Variants in CRKL observed in about 807,000 individuals in gnomAD.
CRKL encodes the protein crk-like protein.
Under a neutral mutation model 23.0 loss-of-function variants are expected in CRKL, and 3 were observed. The observed-to-expected ratio is 0.13, with a 90% CI of 0.06 to 0.34. The LOEUF is 0.34. Among genes scored for constraint, CRKL ranks in the 10% least tolerant of loss-of-function variants. The pLI, the probability that CRKL is intolerant of heterozygous loss-of-function variation, is 1.00. For synonymous variants in CRKL, 188 were observed against 160.7 expected (o/e 1.17, Z -1.28); for missense variants, 256 against 394.5 (o/e 0.65, Z 2.97).
At chr22:20,949,036 A>G (rs911168345) in intron 2 of CRKL, among the ~76,000 whole-genome samples, 1 of 152,048 alleles carries the variant, frequency 6.6e-6, no homozygotes, top group Non-Finnish European at 1.5e-5. Context: ...GTTCATTTCT[A>G]TCCTGTTGGG....
Position 20,950,328 on chromosome 22 carries a change from C to CTT in CRKL, c.*492_*493dup, listed in dbSNP as rs60913011. The CTT allele has an allele frequency of 9.3e-3, 1,926 of 207,942 alleles. 1 individual carries two copies. Among genetic ancestry groups the CTT allele is most frequent in the East Asian group, 0.016 (199 of 12,582 alleles). The allele number at this position is 207,942 out of a possible 1,614,324, so 12.9% of individuals were successfully genotyped here. A position where few individuals can be genotyped will look rare whatever the true frequency, so the allele number is the denominator to read the frequency against. ...TCTGTTCTAAAACTCCAAAATCTGG[C>CTT]TTTTTTTTTTCTTTTGTTTTGGTTT... On this transcript the variant is annotated 3_prime_UTR_variant, in exon 3 of 3. Transcript: ENST00000354336.
intron 2 of CRKL, among the ~76,000 whole-genome samples, chr22:20,942,514 G>A (rs1321638658): frequency 1.3e-5 from 2 of 152,206 alleles, no homozygotes; most frequent in African/African-American, 4.8e-5. Flanking sequence ...TGGCTATGGT[G>A]AATAATGCTG....
intron 2 of CRKL, 122 bp from the exon 3 acceptor site, chr22:20,949,589 G>A (rs1459924886): frequency 7.6e-7 from 1 of 1,324,058 alleles, no homozygotes; most frequent in East Asian, 2.4e-5. Context: ...CTAACAGAGT[G>A]AGACCCTGTG....
intron 1 of CRKL, among the ~76,000 whole-genome samples, chr22:20,920,830 C>A (rs754754976): frequency 1.3e-5 from 2 of 152,138 alleles, no homozygotes; most frequent in Non-Finnish European, 2.9e-5. Context: ...GTTCCAGTCC[C>A]CTCACAGATT....
At chr22:20,928,738 T>C (rs1921322203) in intron 1 of CRKL, among the ~76,000 whole-genome samples, 1 of 142,424 alleles carries the variant, frequency 7.0e-6, no homozygotes, top group Non-Finnish European at 1.5e-5. Context: ...GCTTGAGCCT[T>C]GGAGGTTGAG....
intron 2 of CRKL, among the ~76,000 whole-genome samples, chr22:20,948,720 A>T (rs1311452461): frequency 6.6e-6 from 1 of 152,042 alleles, no homozygotes; most frequent in Non-Finnish European, 1.5e-5. Context: ...GGCTGGTCTC[A>T]AACTCCTGGG....
At chr22:20,941,538 A>ATGTGTGTGTGTGTGTG (rs1187984983) in intron 2 of CRKL, among the ~76,000 whole-genome samples, 1 of 50,436 alleles carries the variant, frequency 2.0e-5, no homozygotes, top group Non-Finnish European at 3.6e-5. Flanking sequence ...TATATATTTT[A>ATGTGTGTGTGTGTGTG]TGTGTGTGTG....
At chr22:20,943,475 G>A (rs1921949504) in intron 2 of CRKL, among the ~76,000 whole-genome samples, 1 of 152,088 alleles carries the variant, frequency 6.6e-6, no homozygotes, top group South Asian at 2.1e-4. Context: ...CCTAAAGTGA[G>A]GTGATCCACC....
chr22:20,949,315 T>G (rs1158994374), intron 2 of CRKL, among the ~76,000 whole-genome samples: 1 of 152,144 alleles, frequency 6.6e-6, no homozygotes, highest in Non-Finnish European at 1.5e-5. Flanking sequence ...TTAGAAGAGA[T>G]GAGGTTTCAC....
chr22:20,939,253 T>C (rs1442257548), intron 2 of CRKL, among the ~76,000 whole-genome samples: 1 of 140,134 alleles, frequency 7.1e-6, no homozygotes, highest in African/African-American at 2.7e-5. Flanking sequence ...TTTTTTTTTT[T>C]TTTTTGAGAC....
chr22:20,919,983 C>G (rs767156085), intron 1 of CRKL, among the ~76,000 whole-genome samples: 1 of 152,090 alleles, frequency 6.6e-6, no homozygotes, highest in African/African-American at 2.4e-5. Context: ...GTGAAACCTG[C>G]GGTTCCTGGC....
At position 20,917,973 on chromosome 22, in the gene CRKL, C is replaced by T. The variant is rs1156637524; in HGVS notation, c.39C>T (p.Ala13=). Residue 13 remains alanine, a synonymous_variant, in exon 1 of 3, where the codon GCC becomes GCT. Transcript: ENST00000354336. ...GGTTCGACTCCTCGGACCGCTCCGCCTGGTATATGGGGCCGGTGTCTCGCC... is the reference window on the plus strand; with the variant it reads ...GGTTCGACTCCTCGGACCGCTCCGCTTGGTATATGGGGCCGGTGTCTCGCC... ...SARFDSSDRS[A]WYMGPVSRQE... 13 of 1,614,030 alleles carry T rather than the reference C, an allele frequency of 8.1e-6. No individual in the cohort carries two copies. Among genetic ancestry groups the T allele is most frequent in the East Asian group, 4.5e-5 (2 of 44,886 alleles).
chr22:20,948,962 G>T (rs912265101), intron 2 of CRKL, among the ~76,000 whole-genome samples: 7 of 152,138 alleles, frequency 4.6e-5, no homozygotes, highest in Non-Finnish European at 1.0e-4. Flanking sequence ...ACTACCACCT[G>T]AAGGTCTTTT....
intron 2 of CRKL, among the ~76,000 whole-genome samples, chr22:20,937,626 T>C (rs1839464322): frequency 6.6e-6 from 1 of 151,164 alleles, no homozygotes; most frequent in Admixed American, 6.6e-5. Flanking sequence ...GGTTAATGAT[T>C]GTGTATTTTA....
intron 2 of CRKL, among the ~76,000 whole-genome samples, chr22:20,942,214 G>C (rs1326680527): frequency 1.3e-5 from 2 of 152,182 alleles, no homozygotes; most frequent in Non-Finnish European, 2.9e-5. Context: ...TGGGTACAAT[G>C]TTTTCAGAGT....
chr22:20,922,154 A>G (rs1921018251), intron 1 of CRKL, among the ~76,000 whole-genome samples: 1 of 151,254 alleles, frequency 6.6e-6, no homozygotes, highest in Admixed American at 6.6e-5. Context: ...CTGGGACTGC[A>G]TGGGACTACA....
intron 2 of CRKL, among the ~76,000 whole-genome samples, chr22:20,942,928 AC>A (rs1282251643): frequency 2.0e-5 from 3 of 152,048 alleles, no homozygotes; most frequent in Admixed American, 2.0e-4. Flanking sequence ...TTTTTGAGGA[AC>A]TGTCAAACTA....
chr22:20,926,716 A>C (rs188658018), intron 1 of CRKL, among the ~76,000 whole-genome samples: 1 of 152,064 alleles, frequency 6.6e-6, no homozygotes, highest in East Asian at 1.9e-4. Flanking sequence ...GCGGAAGGAG[A>C]GGCAGCCACA....
intron 2 of CRKL, among the ~76,000 whole-genome samples, chr22:20,935,336 C>T (rs1420567385): frequency 6.6e-6 from 1 of 151,676 alleles, no homozygotes; most frequent in African/African-American, 2.4e-5. Context: ...TGGTTTTGAA[C>T]TCCTGACCTC....
Sources: allele counts gnomAD v4.1 joint callset (sites outside exome capture counted in the v4.1 genomes callset), GRCh38; gene constraint gnomAD v4.1.1; transcripts MANE v1.5; gene names NCBI Gene and HGNC (gene_info 2026-07-23, HGNC 2026-07-21).